The following EWSR1 variants were observed in gnomAD, a reference collection of about 807,000 sequenced individuals.
EWSR1 encodes the protein EWS RNA binding protein 1.
A neutral mutation model predicts 92.1 loss-of-function variants in EWSR1; 14 were observed. The ratio of observed to expected loss-of-function variants is 0.15; its 90% confidence interval spans 0.10 to 0.24. EWSR1 has a LOEUF of 0.24. Ranked by LOEUF, EWSR1 falls within the 10% of genes least tolerant of loss-of-function variation. The pLI is 1.00. For synonymous variants in EWSR1, 303 were observed against 292.9 expected, an observed-to-expected ratio of 1.03 and a Z score of -0.35; for missense variants, 637 against 870.9, an observed-to-expected ratio of 0.73 and a Z score of 3.38.
At chr22:29,279,480 A>C (rs1397535360) in intron 5 of EWSR1, among the ~76,000 whole-genome samples, 2 of 152,264 alleles carry the variant, frequency 1.3e-5, no homozygotes, top group East Asian at 1.9e-4. Context: ...CTGCTATAGG[A>C]TGAGCAGAGC....
At chr22:29,277,908 A>T (rs2059244444) in intron 4 of EWSR1, 122 bp from the exon 5 acceptor site, 1 of 828,514 alleles carries the variant, frequency 1.2e-6, no homozygotes. Flanking sequence ...AAGGGGGAAT[A>T]TTTAAAGGGA....
chr22:29,270,546 T>A (rs2058589829), intron 1 of EWSR1, among the ~76,000 whole-genome samples: 1 of 152,226 alleles, frequency 6.6e-6, no homozygotes, highest in Admixed American at 6.5e-5. Flanking sequence ...CTACCTTCTA[T>A]AGCCCACCAG....
chr22:29,296,503 A>G (rs2060872851), intron 12 of EWSR1, 135 bp downstream of exon 12: 1 of 926,998 alleles, frequency 1.1e-6, no homozygotes, highest in Admixed American at 2.6e-5. Flanking sequence ...TCCCTGCAGT[A>G]GTAGTAGCAC....
intron 13 of EWSR1, 150 bp from the exon 14 acceptor site, chr22:29,298,583 C>G: frequency 1.1e-6 from 1 of 872,284 alleles, no homozygotes; most frequent in Non-Finnish European, 1.9e-6. Context: ...GGGAAGGGGG[C>G]TGATGGCCTG....
intron 12 of EWSR1, among the ~76,000 whole-genome samples, chr22:29,296,911 C>T (rs925159529): frequency 6.6e-6 from 1 of 152,100 alleles, no homozygotes; most frequent in Admixed American, 6.6e-5. Flanking sequence ...GGTGTTGTGG[C>T]ACACTCCTAT....
At chr22:29,294,187 A>C (rs754916810) in intron 11 of EWSR1, among the ~76,000 whole-genome samples, 17 of 152,212 alleles carry the variant, frequency 1.1e-4, no homozygotes, top group Non-Finnish European at 2.2e-4. Flanking sequence ...AGTAAAGACT[A>C]TCGATTTCCT....
At chr22:29,269,127 TATA>T (rs1356733348) in intron 1 of EWSR1, 1 of 152,234 alleles carries the variant, frequency 6.6e-6, no homozygotes, top group East Asian at 1.9e-4. Flanking sequence ...ACATCCGTTG[TATA>T]ATAAGGCCAG....
chr22:29,274,157 G>A (rs1236593662), intron 4 of EWSR1: 10 of 1,189,100 alleles, frequency 8.4e-6, no homozygotes, highest in Non-Finnish European at 1.3e-5. Flanking sequence ...CTAATACTGA[G>A]TAAGAATGAG....
chr22:29,289,010 A>G, intron 8 of EWSR1: 1 of 468,624 alleles, frequency 2.1e-6, no homozygotes. Flanking sequence ...GTCGGGGAGA[A>G]CAAAGAATGG....
At chr22:29,286,840 A>T in intron 6 of EWSR1, 83 bp from the exon 7 acceptor site, 1 of 1,007,372 alleles carries the variant, frequency 9.9e-7, no homozygotes, top group South Asian at 1.4e-5. Flanking sequence ...ACATGGTGTG[A>T]ATGTCTCTTT....
chr22:29,299,780 G>C lies in EWSR1; in HGVS notation c.1860G>C (p.Gly620=), dbSNP rs962201986. The stretch of plus-strand genomic sequence containing the variant: ...GAGGAAGACGAGGTGGCCCTGGGGG[G>C]CCCCCTGGACCTTTGATGGAACAGA... ...FGGGRRGGPG[G]PPGPLMEQMG... is the part of the protein sequence containing the mutation. The change falls in exon 16 of 17, where the codon GGG becomes GGC. Residue 620 remains glycine (G), a synonymous_variant. Transcript: ENST00000397938. 17 of 1,601,182 alleles carry C rather than the reference G, an allele frequency of 1.1e-5. No homozygotes were observed. Among genetic ancestry groups the C allele is most frequent in the Non-Finnish European group, 1.5e-5 (17 of 1,172,308 alleles).
intron 1 of EWSR1, chr22:29,269,794 C>T (rs567600981): frequency 1.3e-5 from 2 of 152,260 alleles, no homozygotes; most frequent in African/African-American, 4.8e-5. Flanking sequence ...CCACCCTCTT[C>T]TGCTCTGCAA....
At chr22:29,288,458 A>G (rs983887320) in intron 7 of EWSR1, 148 bp from the exon 8 acceptor site, 3 of 650,160 alleles carry the variant, frequency 4.6e-6, no homozygotes, top group Non-Finnish European at 7.6e-6. Flanking sequence ...AAAAGAGCCT[A>G]CCTATTAAGG....
At chr22:29,291,440 A>C in intron 8 of EWSR1, 122 bp from the exon 9 acceptor site, 2 of 862,316 alleles carry the variant, frequency 2.3e-6, no homozygotes, top group Non-Finnish European at 3.6e-6. Context: ...ACAAGATGAG[A>C]GAGATGCATT....
Position 29,273,733 on chromosome 22 carries a change from T to C in EWSR1, c.103-8T>C. 6.2e-7 allele frequency: 1 copy of C among 1,601,826 alleles called. No homozygotes were observed. On this transcript the variant is annotated splice_polypyrimidine_tract_variant and splice_region_variant and intron_variant, in intron 3 of 16. Transcript: ENST00000397938. ...TGAAGTTCTTGCATTCGTTTTTTTT[T>C]GGAGCAGGCATATGGGCAACAAAGC...
chr22:29,298,510 A>C (rs1371250751), intron 13 of EWSR1, among the ~76,000 whole-genome samples: 145 of 151,010 alleles, frequency 9.6e-4, no homozygotes, highest in African/African-American at 2.9e-3. Flanking sequence ...CCGTCTCCAA[A>C]AAAAAAAAAA....
intron 8 of EWSR1, chr22:29,289,120 A>AC (rs1270489072): frequency 7.3e-6 from 2 of 274,326 alleles, no homozygotes; most frequent in African/African-American, 4.3e-5. Context: ...CCTTCTAATG[A>AC]CCCTAAGTTG....
chr22:29,290,775 A>T (rs1244650252), intron 8 of EWSR1: 5 of 932,320 alleles, frequency 5.4e-6, no homozygotes, highest in Non-Finnish European at 1.4e-6. Context: ...TTAAAGGTGC[A>T]ATACTGGTTA....
chr22:29,290,141 C>T lies in EWSR1; in HGVS notation c.974+1355C>T, dbSNP rs554107988. On this transcript the variant is annotated intron_variant, in intron 8 of 16. Transcript: ENST00000397938. ...GGGCCCCTCTTTCTGGATGAGAAGTCTCTCTTGCAGCCATAGAAGAGACCA... is the reference window on the plus strand; with the variant it reads ...GGGCCCCTCTTTCTGGATGAGAAGTTTCTCTTGCAGCCATAGAAGAGACCA... 9 of 308,478 alleles carry T rather than the reference C, an allele frequency of 2.9e-5. 1 individual carries two copies. In the Admixed American group the frequency reaches 4.4e-4, roughly 15 times the overall value. 19.1% of individuals were successfully genotyped at this position (308,478 alleles called of 1,614,324 possible). A position where few individuals can be genotyped will look rare whatever the true frequency, so the allele number is the denominator to read the frequency against.
Sources: gnomAD v4.1 joint callset for allele counts (sites outside exome capture counted in the v4.1 genomes callset) on GRCh38, gnomAD v4.1.1 for gene constraint, MANE v1.5 for transcripts, NCBI Gene and HGNC (gene_info 2026-07-23, HGNC 2026-07-21) for gene names.